Variants in CERS4 observed in about 807,000 individuals in gnomAD.
The protein encoded by CERS4 is ceramide synthase 4.
In CERS4, 65 loss-of-function variants were observed where a neutral mutation model predicts 51.8. The observed-to-expected ratio is 1.26, with a 90% CI of 1.03 to 1.54. The LOEUF is 1.54. Ranked by LOEUF, CERS4 falls within the 40% of genes most tolerant of loss-of-function variation. The pLI, the probability that CERS4 is intolerant of heterozygous loss-of-function variation, is 0.00. For synonymous variants in CERS4, 228 were observed against 208.4 expected (o/e 1.09, Z -0.81); for missense variants, 563 against 500.4 (o/e 1.13, Z -1.19).
At chr19:8,246,871 A>G (rs1025600249) in intron 2 of CERS4, among the ~76,000 whole-genome samples, 10 of 152,024 alleles carry the variant, frequency 6.6e-5, no homozygotes, top group African/African-American at 2.4e-4. Flanking sequence ...TTTATTATAA[A>G]ACATTGGGGG....
At chr19:8,227,200 C>T (rs1737443560) in intron 2 of CERS4, among the ~76,000 whole-genome samples, 1 of 152,130 alleles carries the variant, frequency 6.6e-6, no homozygotes, top group Non-Finnish European at 1.5e-5. Flanking sequence ...AATGCCCCCT[C>T]TCCTGTATCA....
intron 2 of CERS4, among the ~76,000 whole-genome samples, chr19:8,239,184 C>A (rs1968407551): frequency 6.6e-6 from 1 of 151,720 alleles, no homozygotes; most frequent in South Asian, 2.1e-4. Context: ...GGTGGATCAC[C>A]TGAGGTCAAG....
Position 8,261,962 on chromosome 19 carries a change from A to C in CERS4, c.1038A>C (p.Glu346Asp). 1 of 1,605,012 alleles carries C rather than the reference A, an allele frequency of 6.2e-7. No homozygotes were observed. The highest frequency in any genetic ancestry group is 8.5e-7 in the Non-Finnish European group (1 of 1,176,174). Reference sequence around the variant, plus strand: ...AGGACATTCGTAGTGATGTAGAAGAATCAGACTCCAGTGAGGAGGCGGCGG... The same window carrying C: ...AGGACATTCGTAGTGATGTAGAAGACTCAGACTCCAGTGAGGAGGCGGCGG... ...MEKDIRSDVE[E>D]SDSSEEAAAA... The change falls in exon 12 of 12, where the codon GAA becomes GAC. Residue 346 changes from glutamate to aspartate, a missense_variant. Transcript: ENST00000251363.
intron 2 of CERS4, among the ~76,000 whole-genome samples, chr19:8,213,920 C>T (rs146680386): frequency 7.5e-4 from 114 of 152,174 alleles, no homozygotes; most frequent in African/African-American, 2.5e-3. Context: ...GAGCCAAGAT[C>T]GCACTACTGC....
intron 2 of CERS4, among the ~76,000 whole-genome samples, chr19:8,232,750 TCA>T (rs981560872): frequency 3.3e-5 from 5 of 150,718 alleles, no homozygotes; most frequent in African/African-American, 9.8e-5. Flanking sequence ...AGACACGGTC[TCA>T]CCCTGTTGCC....
chr19:8,253,298 C>T (rs77935648), intron 3 of CERS4, among the ~76,000 whole-genome samples: 2,282 of 152,302 alleles, frequency 0.015, 59 homozygotes, highest in African/African-American at 0.051. Flanking sequence ...TGGGGAGCCC[C>T]TAGACTGGCG....
intron 2 of CERS4, among the ~76,000 whole-genome samples, chr19:8,228,573 G>A (rs2145201846): frequency 6.6e-6 from 1 of 152,226 alleles, no homozygotes; most frequent in East Asian, 1.9e-4. Flanking sequence ...TACGCAGCAG[G>A]CTGAGGCAGG....
rs867844937 is a variant in CERS4 at position 8,262,078 on chromosome 19, G to A, written c.1154G>A (p.Arg385His). The A allele has an allele frequency of 1.4e-5, 21 of 1,517,882 alleles. No individual in the cohort carries two copies. Among genetic ancestry groups the A allele is most frequent in the African/African-American group, 1.1e-4 (8 of 71,728 alleles). The allele number at this position is 1,517,882 out of a possible 1,614,324, so 94.0% of individuals were successfully genotyped here. The change falls in exon 12 of 12, where the codon CGT becomes CAT. Residue 385 changes from arginine (R) to histidine (H), a missense_variant. Coordinates refer to ENST00000251363, the MANE Select transcript of CERS4 (RefSeq NM_024552.3). Reference sequence around the variant, plus strand: ...GGCCCTCGGAGCCGGGTGGCCGGGCGTCTGACCAACAGGCACACAACAGCC... The same window carrying A: ...GGCCCTCGGAGCCGGGTGGCCGGGCATCTGACCAACAGGCACACAACAGCC... ...TDGPRSRVAGRLTNRHTTAT is the reference protein window; with the variant it reads ...TDGPRSRVAGHLTNRHTTAT
intron 2 of CERS4, among the ~76,000 whole-genome samples, chr19:8,225,970 C>A (rs183860209): frequency 6.6e-6 from 1 of 151,828 alleles, no homozygotes; most frequent in Non-Finnish European, 1.5e-5. Context: ...CCAAGGCGGG[C>A]GGATCATTTA....
Position 8,224,606 on chromosome 19 carries a change from T to G in CERS4, c.-2+13744T>G, listed in dbSNP as rs1235425929. Reference sequence around the variant, plus strand: ...AGGGCATTACTGGTAGGGAATGGCATGTGCCAAGGTCCATTTGCTGGGGAG... The same window carrying G: ...AGGGCATTACTGGTAGGGAATGGCAGGTGCCAAGGTCCATTTGCTGGGGAG... On this transcript the variant is annotated intron_variant, in intron 2 of 11. Transcript: ENST00000251363. Among the ~76,000 whole-genome samples, 3 of 152,268 alleles carry G rather than the reference T, an allele frequency of 2.0e-5. No individual in the cohort carries two copies. In the East Asian group the frequency reaches 5.8e-4, roughly 29 times the overall value.
At position 8,250,822 on chromosome 19, in the gene CERS4, C is replaced by T. The variant is rs1969038764; in HGVS notation, c.-1-254C>T. 4 of 1,248,804 alleles carry T rather than the reference C, an allele frequency of 3.2e-6. No individual in the cohort carries two copies. The South Asian group carries it at 1.1e-4, about 34-fold the overall frequency. 77.4% of individuals were successfully genotyped at this position (1,248,804 alleles called of 1,614,324 possible). A position where few individuals can be genotyped will look rare whatever the true frequency, so the allele number is the denominator to read the frequency against. Reference sequence around the variant, plus strand: ...AAGTCATTTGCCTGAGGACACACAGCCCAACTCTGCCTTTTAACACTGACC... The same window carrying T: ...AAGTCATTTGCCTGAGGACACACAGTCCAACTCTGCCTTTTAACACTGACC... On this transcript the variant is annotated intron_variant, in intron 2 of 11. Coordinates refer to ENST00000251363, the MANE Select transcript of CERS4 (RefSeq NM_024552.3).
chr19:8,236,127 G>A (rs912482049), intron 2 of CERS4, among the ~76,000 whole-genome samples: 1 of 152,058 alleles, frequency 6.6e-6, no homozygotes, highest in African/African-American at 2.4e-5. Flanking sequence ...ACCGGGAGGC[G>A]GAGCTTGCAG....
At position 8,251,183 on chromosome 19, in the gene CERS4, C is replaced by T; in HGVS notation, c.107C>T (p.Pro36Leu). The T allele has an allele frequency of 6.2e-7, 1 of 1,613,606 alleles. No individual in the cohort carries two copies. Reference sequence around the variant, plus strand: ...CGGGATGGCCGTGTCTACCCCCACCCCCAGGACTTGTTGGCAGCCCTGCCC... The same window carrying T: ...CGGGATGGCCGTGTCTACCCCCACCTCCAGGACTTGTTGGCAGCCCTGCCC... ...EDRDGRVYPH[P>L]QDLLAALPLA... The change falls in exon 3 of 12, where the codon CCC (proline) becomes CTC (leucine). Residue 36 changes from proline to leucine, a missense_variant. Physicochemically the swap from Pro to Leu is moderately conservative, Grantham distance 98 (BLOSUM62 -3). Coordinates refer to ENST00000251363, the MANE Select transcript of CERS4 (RefSeq NM_024552.3).
chr19:8,256,550 C>T (rs376913745), intron 7 of CERS4, 68 bp from the exon 8 acceptor site: 135 of 1,439,260 alleles, frequency 9.4e-5, no homozygotes, highest in South Asian at 1.4e-4. Context: ...GGAGTGGGCC[C>T]GGAGCCATAC....
chr19:8,262,222 C>A lies in CERS4; in HGVS notation c.*113C>A. ...TTCTGGAGACAGGGAGGGCCCCACC[C>A]GGGGTGGGTGGGAAGGCTGATGATC... On this transcript the variant is annotated 3_prime_UTR_variant, in exon 12 of 12. Transcript: ENST00000251363. 8.3e-7 allele frequency: 1 copy of A among 1,200,634 alleles called. No individual in the cohort carries two copies. Among genetic ancestry groups the A allele is most frequent in the South Asian group, 2.1e-5 (1 of 46,850 alleles). 74.4% of individuals were successfully genotyped at this position (1,200,634 alleles called of 1,614,324 possible).
chr19:8,235,661 G>T lies in CERS4; in HGVS notation c.-1-15415G>T, dbSNP rs35841863. On this transcript the variant is annotated intron_variant, in intron 2 of 11. Coordinates refer to ENST00000251363, the MANE Select transcript of CERS4 (RefSeq NM_024552.3). ...CCAGCACTTTGGGATGCCGAGGTGG[G>T]AGGATTGCTTGAACCTAGGAGTTTG... Among the ~76,000 whole-genome samples the T allele has an allele frequency of 2.0e-5, 3 of 151,794 alleles. No homozygotes were observed. The East Asian group carries it at 5.9e-4, about 30-fold the overall frequency.
At chr19:8,247,896 GCT>G (rs1968861529) in intron 2 of CERS4, among the ~76,000 whole-genome samples, 1 of 151,642 alleles carries the variant, frequency 6.6e-6, no homozygotes, top group Non-Finnish European at 1.5e-5. Context: ...ACCACACCTG[GCT>G]GATTTTTGTA....
chr19:8,257,346 GC>G (rs374475934), intron 9 of CERS4, among the ~76,000 whole-genome samples: 4 of 151,694 alleles, frequency 2.6e-5, no homozygotes, highest in Non-Finnish European at 4.4e-5. Flanking sequence ...ATGAGGCCCT[GC>G]CCCCCATCTT....
At chr19:8,211,866 T>C (rs1967095635) in intron 2 of CERS4, among the ~76,000 whole-genome samples, 2 of 126,334 alleles carry the variant, frequency 1.6e-5, no homozygotes, top group South Asian at 5.0e-4. Flanking sequence ...CACTCCAGCC[T>C]GGGCAACAAA....
Sources: allele counts gnomAD v4.1 joint callset (sites outside exome capture counted in the v4.1 genomes callset), GRCh38; gene constraint gnomAD v4.1.1; transcripts MANE v1.5; gene names NCBI Gene and HGNC (gene_info 2026-07-23, HGNC 2026-07-21).